Variants in EHBP1 observed in about 807,000 individuals in gnomAD.
EHBP1 encodes EH domain-binding protein 1.
In EHBP1, 55 loss-of-function variants were observed where a neutral mutation model predicts 144.0. The ratio of observed to expected loss-of-function variants is 0.38; its 90% CI spans 0.31 to 0.48. The LOEUF is 0.48. Among genes scored for constraint, EHBP1 ranks in the 20% least tolerant of loss-of-function variants. EHBP1 has a pLI of 0.98. For missense variants in EHBP1, 1,200 were observed against 1,364.2 expected (o/e 0.88, Z 1.90); for synonymous variants, 469 against 472.7 (o/e 0.99, Z 0.10).
intron 19 of EHBP1, among the ~76,000 whole-genome samples, chr2:63,032,341 G>A (rs1336762896): frequency 6.6e-6 from 1 of 151,632 alleles, no homozygotes; most frequent in Non-Finnish European, 1.5e-5. Context: ...GGCGCAGGCG[G>A]GTGGATCATG....
At chr2:62,801,225 C>T (rs979887302) in intron 5 of EHBP1, among the ~76,000 whole-genome samples, 1 of 152,198 alleles carries the variant, frequency 6.6e-6, no homozygotes, top group African/African-American at 2.4e-5. Flanking sequence ...TTACCGATGT[C>T]TCAAGTGTTG....
intron 18 of EHBP1, among the ~76,000 whole-genome samples, chr2:62,994,445 A>G (rs1302522613): frequency 6.6e-6 from 1 of 152,046 alleles, no homozygotes; most frequent in Non-Finnish European, 1.5e-5. Flanking sequence ...AATATAATAT[A>G]TATGGTAATT....
At chr2:62,765,888 A>G (rs1488148197) in intron 4 of EHBP1, among the ~76,000 whole-genome samples, 2 of 152,144 alleles carry the variant, frequency 1.3e-5, no homozygotes, top group African/African-American at 4.8e-5. Context: ...TAAGTGCATC[A>G]TGGAAAAGCT....
At chr2:62,917,409 T>C (rs968345494) in intron 10 of EHBP1, among the ~76,000 whole-genome samples, 9 of 152,328 alleles carry the variant, frequency 5.9e-5, no homozygotes, top group Non-Finnish European at 1.3e-4. Context: ...CATTATGCAG[T>C]ACGTGACTAT....
At chr2:63,036,332 G>A (rs564129317) in intron 19 of EHBP1, among the ~76,000 whole-genome samples, 2 of 152,010 alleles carry the variant, frequency 1.3e-5, no homozygotes, top group Non-Finnish European at 2.9e-5. Context: ...TATAGATACA[G>A]TATATACACA....
chr2:62,967,538 T>G (rs2058301935), intron 14 of EHBP1, among the ~76,000 whole-genome samples: 1 of 152,214 alleles, frequency 6.6e-6, no homozygotes, highest in Non-Finnish European at 1.5e-5. Flanking sequence ...GACATTTTTT[T>G]CTTTTTAAAA....
chr2:62,941,189 C>G (rs1416291112), intron 10 of EHBP1, among the ~76,000 whole-genome samples: 1 of 152,108 alleles, frequency 6.6e-6, no homozygotes, highest in Non-Finnish European at 1.5e-5. Context: ...CATCCATAAA[C>G]CACTCTTCAC....
chr2:62,933,868 G>C lies in EHBP1; in HGVS notation c.1186-8850G>C, dbSNP rs528084066. ...GGAATCATATGATATATGCATGTTTGTACCTGTTTTCTTTTGTTCAATATT... is the reference window on the plus strand; with the variant it reads ...GGAATCATATGATATATGCATGTTTCTACCTGTTTTCTTTTGTTCAATATT... On this transcript the variant is annotated intron_variant, in intron 10 of 22. Transcript: ENST00000431489. Among the ~76,000 whole-genome samples, 38 of 152,174 alleles carry C rather than the reference G, an allele frequency of 2.5e-4. No homozygotes were observed. The South Asian group carries it at 7.7e-3, about 31-fold the overall frequency.
At chr2:62,827,495 G>C (rs2046423515) in intron 6 of EHBP1, among the ~76,000 whole-genome samples, 2 of 152,144 alleles carry the variant, frequency 1.3e-5, no homozygotes, top group Admixed American at 1.3e-4. Context: ...GGGAATCTGG[G>C]TGAGAGGAAA....
At chr2:63,006,052 T>A (rs1213119873) in intron 19 of EHBP1, among the ~76,000 whole-genome samples, 1 of 152,020 alleles carries the variant, frequency 6.6e-6, no homozygotes, top group East Asian at 1.9e-4. Context: ...CTTTCCTAGA[T>A]CATCCCACCA....
chr2:62,786,158 C>T (rs2042788047), intron 5 of EHBP1, among the ~76,000 whole-genome samples: 1 of 152,142 alleles, frequency 6.6e-6, no homozygotes, highest in Non-Finnish European at 1.5e-5. Flanking sequence ...TTTGAAATCT[C>T]TCATGCAGTT....
chr2:62,838,328 C>T (rs1027598579), intron 7 of EHBP1, among the ~76,000 whole-genome samples: 1 of 152,126 alleles, frequency 6.6e-6, no homozygotes, highest in African/African-American at 2.4e-5. Flanking sequence ...ATCTCTGGGA[C>T]ACATTCAAAG....
chr2:62,979,699 A>G (rs1054170452), intron 15 of EHBP1, among the ~76,000 whole-genome samples: 1 of 152,214 alleles, frequency 6.6e-6, no homozygotes, highest in Non-Finnish European at 1.5e-5. Flanking sequence ...GAGCTTTGTC[A>G]TGAAAGATTT....
chr2:62,788,894 ATAATTCTGTGT>A (rs1267290263), intron 5 of EHBP1, among the ~76,000 whole-genome samples: 1 of 152,246 alleles, frequency 6.6e-6, no homozygotes, highest in Non-Finnish European at 1.5e-5. Context: ...CTGTGCATGA[ATAATTCTGTGT>A]TACCATATTT....
At chr2:62,876,997 CAAT>C (rs1399947311) in intron 10 of EHBP1, among the ~76,000 whole-genome samples, 1 of 152,138 alleles carries the variant, frequency 6.6e-6, no homozygotes, top group Non-Finnish European at 1.5e-5. Flanking sequence ...CCACATATGA[CAAT>C]ATTAACCTTG....
chr2:62,731,048 T>C lies in EHBP1; in HGVS notation c.105-16347T>C, dbSNP rs543834177. On this transcript the variant is annotated intron_variant, in intron 2 of 22. Coordinates refer to ENST00000431489, the MANE Select transcript of EHBP1 (RefSeq NM_001142616.3). Reference sequence around the variant, plus strand: ...TGGTAATATTGAGTCTTTCCATCCATGTACAGATATCTCTCAATTTATTTG... The same window carrying C: ...TGGTAATATTGAGTCTTTCCATCCACGTACAGATATCTCTCAATTTATTTG... Among the ~76,000 whole-genome samples, 283 of 151,560 alleles carry C rather than the reference T, an allele frequency of 1.9e-3. 2 individuals carry two copies. Among genetic ancestry groups the C allele is most frequent in the Non-Finnish European group, 2.4e-3 (166 of 67,906 alleles).
chr2:62,764,454 G>A, intron 4 of EHBP1, 93 bp downstream of exon 4: 2 of 912,180 alleles, frequency 2.2e-6, no homozygotes, highest in Admixed American at 3.2e-5. Context: ...ATACATTTGT[G>A]TCCAGTCTGG....
chr2:62,677,231 A>T (rs992938108), intron 1 of EHBP1, among the ~76,000 whole-genome samples: 9 of 152,222 alleles, frequency 5.9e-5, no homozygotes, highest in Non-Finnish European at 1.3e-4. Context: ...GAATAAAGCC[A>T]AAACAGTAGA....
chr2:62,678,375 G>C (rs538804570), intron 1 of EHBP1, among the ~76,000 whole-genome samples: 2 of 152,014 alleles, frequency 1.3e-5, no homozygotes, highest in Non-Finnish European at 2.9e-5. Context: ...TATATATTCT[G>C]GTTATTAATC....
Sources: gnomAD v4.1 joint callset for allele counts (sites outside exome capture counted in the v4.1 genomes callset) on GRCh38, gnomAD v4.1.1 for gene constraint, MANE v1.5 for transcripts, NCBI Gene and HGNC (gene_info 2026-07-23, HGNC 2026-07-21) for gene names.